Variants in MAD1L1 observed in about 807,000 individuals in gnomAD.
MAD1L1 encodes the protein mitotic spindle assembly checkpoint protein MAD1.
In MAD1L1, 95 loss-of-function variants were observed where a neutral mutation model predicts 96.9. That is an observed-to-expected ratio of 0.98 (90% CI 0.83 to 1.16). The LOEUF (loss-of-function observed/expected upper bound fraction) is 1.16. Ranked by LOEUF, MAD1L1 falls within the 50% of genes most tolerant of loss-of-function variation. The pLI, the probability that MAD1L1 is intolerant of heterozygous loss-of-function variation, is 0.00. For missense variants in MAD1L1, 1,007 were observed against 954.4 expected, an observed-to-expected ratio of 1.06 and a Z score of -0.73; for synonymous variants, 473 against 396.6, an observed-to-expected ratio of 1.19 and a Z score of -2.29.
At chr7:1,973,544 C>G (rs932940181) in intron 15 of MAD1L1, among the ~76,000 whole-genome samples, 1 of 152,078 alleles carries the variant, frequency 6.6e-6, no homozygotes, top group Admixed American at 6.5e-5. Context: ...GGGCCGCAGA[C>G]AGCTGGGTAC....
intron 14 of MAD1L1, among the ~76,000 whole-genome samples, chr7:2,001,734 GT>G (rs1464097815): frequency 6.6e-6 from 1 of 152,228 alleles, no homozygotes; most frequent in Non-Finnish European, 1.5e-5. Flanking sequence ...CTGATGTCCA[GT>G]TCGCTGCTGG....
chr7:2,026,837 T>C (rs182184120), intron 12 of MAD1L1, among the ~76,000 whole-genome samples: 1 of 152,074 alleles, frequency 6.6e-6, no homozygotes, highest in Non-Finnish European at 1.5e-5. Flanking sequence ...AGGATAAATA[T>C]CAATTATCTA....
At chr7:2,096,915 T>C (rs3800899) in intron 11 of MAD1L1, among the ~76,000 whole-genome samples, 2 of 152,154 alleles carry the variant, frequency 1.3e-5, no homozygotes, top group East Asian at 1.9e-4. Flanking sequence ...GGTCTGCCAC[T>C]GTACCTCCAG....
At chr7:2,131,507 A>T (rs1788508190) in intron 11 of MAD1L1, among the ~76,000 whole-genome samples, 1 of 152,240 alleles carries the variant, frequency 6.6e-6, no homozygotes, top group Non-Finnish European at 1.5e-5. Context: ...CCAATTTAAA[A>T]TTCAAAGCGC....
intron 15 of MAD1L1, among the ~76,000 whole-genome samples, chr7:1,966,805 C>T (rs940483007): frequency 6.6e-6 from 1 of 152,252 alleles, no homozygotes; most frequent in South Asian, 2.1e-4. Context: ...GCAATCGTGG[C>T]GTGCTGGGAG....
At chr7:1,896,871 C>A (rs984034571) in intron 18 of MAD1L1, among the ~76,000 whole-genome samples, 2 of 152,218 alleles carry the variant, frequency 1.3e-5, no homozygotes, top group African/African-American at 4.8e-5. Context: ...TTTATTAATA[C>A]CTAATCATTT....
chr7:1,899,321 G>A (rs541800993), intron 17 of MAD1L1, among the ~76,000 whole-genome samples: 62 of 152,348 alleles, frequency 4.1e-4, no homozygotes, highest in African/African-American at 1.4e-3. Flanking sequence ...CCCCTAGGCC[G>A]GGTGCTTCCC....
chr7:2,023,332 A>G (rs1348450998), intron 12 of MAD1L1, among the ~76,000 whole-genome samples: 1 of 152,218 alleles, frequency 6.6e-6, no homozygotes, highest in East Asian at 1.9e-4. Flanking sequence ...TATATAAAGT[A>G]AGCTCTCAGA....
intron 13 of MAD1L1, among the ~76,000 whole-genome samples, chr7:2,003,588 G>A (rs188931319): frequency 1.3e-4 from 20 of 152,218 alleles, no homozygotes; most frequent in Non-Finnish European, 2.6e-4. Context: ...CTGCAGGTGT[G>A]AGCACCTGAG....
At chr7:2,005,149 C>T (rs1018572203) in intron 13 of MAD1L1, among the ~76,000 whole-genome samples, 20 of 152,128 alleles carry the variant, frequency 1.3e-4, no homozygotes, top group African/African-American at 4.6e-4. Flanking sequence ...AGGCAGACAT[C>T]GACGAGCTGA....
At chr7:1,855,965 C>T (rs971899527) in intron 18 of MAD1L1, among the ~76,000 whole-genome samples, 7 of 152,164 alleles carry the variant, frequency 4.6e-5, no homozygotes, top group Admixed American at 1.3e-4. Flanking sequence ...GAACTCAAGG[C>T]GCCGGCAGAC....
At chr7:2,154,325 A>G (rs1428871109) in intron 10 of MAD1L1, among the ~76,000 whole-genome samples, 3 of 152,212 alleles carry the variant, frequency 2.0e-5, no homozygotes, top group Non-Finnish European at 4.4e-5. Context: ...GAACTAGTGG[A>G]TTGAAAGGTC....
At chr7:1,911,698 C>A (rs1191274533) in intron 17 of MAD1L1, among the ~76,000 whole-genome samples, 1 of 152,134 alleles carries the variant, frequency 6.6e-6, no homozygotes, top group Non-Finnish European at 1.5e-5. Flanking sequence ...AGAACAGGCC[C>A]CTCTTGGGCA....
intron 4 of MAD1L1, among the ~76,000 whole-genome samples, chr7:2,224,939 T>C (rs1055773832): frequency 3.3e-5 from 5 of 152,094 alleles, no homozygotes; most frequent in Non-Finnish European, 7.4e-5. Context: ...CTCCTAAGCC[T>C]GTCACTCCTA....
At chr7:1,933,318 C>T (rs554560142) in intron 17 of MAD1L1, among the ~76,000 whole-genome samples, 58 of 152,306 alleles carry the variant, frequency 3.8e-4, no homozygotes, top group African/African-American at 1.3e-3. Context: ...GAACTGCCAA[C>T]GCCAGGTCCT....
chr7:2,078,145 G>A (rs73048980), intron 11 of MAD1L1, among the ~76,000 whole-genome samples: 4,115 of 152,232 alleles, frequency 0.027, 94 homozygotes, highest in South Asian at 0.087. Flanking sequence ...ACAGACGCAG[G>A]CTCCTTGTGT....
chr7:2,016,575 C>T (rs1039812101), intron 12 of MAD1L1, among the ~76,000 whole-genome samples: 7 of 152,204 alleles, frequency 4.6e-5, no homozygotes, highest in Non-Finnish European at 2.9e-5. Flanking sequence ...GCCAGGCCCT[C>T]GGTCTATCCC....
chr7:1,869,742 T>C (rs371924355), intron 18 of MAD1L1, among the ~76,000 whole-genome samples: 2 of 152,200 alleles, frequency 1.3e-5, no homozygotes, highest in African/African-American at 4.8e-5. Flanking sequence ...GACCACAGCC[T>C]CATGGAGATC....
At chr7:1,952,037 A>AT (rs1779522770) in intron 16 of MAD1L1, among the ~76,000 whole-genome samples, 1 of 152,156 alleles carries the variant, frequency 6.6e-6, no homozygotes, top group South Asian at 2.1e-4. Context: ...CATCGGTGAC[A>AT]TTTCTTCTAG....
Sources: allele counts gnomAD v4.1 joint callset (sites outside exome capture counted in the v4.1 genomes callset), GRCh38; gene constraint gnomAD v4.1.1; transcripts MANE v1.5; gene names NCBI Gene and HGNC (gene_info 2026-07-23, HGNC 2026-07-21).